The following SHISA9 variants were observed in gnomAD, a reference collection of about 807,000 sequenced individuals.
SHISA9 encodes the protein shisa family member 9.
SHISA9 carries 13 observed loss-of-function variants against 38.0 expected under a neutral mutation model. That is an observed-to-expected ratio of 0.34 (90% CI 0.22 to 0.54). The LOEUF is 0.54. Ranked by LOEUF, SHISA9 falls within the 20% of genes least tolerant of loss-of-function variation. SHISA9 has a pLI of 0.91. For synonymous variants in SHISA9, 275 were observed against 242.0 expected (o/e 1.14, Z -1.27); for missense variants, 538 against 575.8 (o/e 0.93, Z 0.67).
the SHISA9 span, among the ~76,000 whole-genome samples, chr16:13,330,192 G>A: frequency 3.9e-5 from 6 of 152,220 alleles, no homozygotes; most frequent in Non-Finnish European, 7.3e-5. Flanking sequence ...TTCAGAGACA[G>A]ATATCTCCAT....
At chr16:13,031,004 C>A (rs1226541600) in intron 2 of SHISA9, among the ~76,000 whole-genome samples, 1 of 152,204 alleles carries the variant, frequency 6.6e-6, no homozygotes, top group Non-Finnish European at 1.5e-5. Flanking sequence ...GACTGCAGAA[C>A]TGCAAGGCTT....
chr16:13,141,176 A>G (rs2050398465), intron 2 of SHISA9, among the ~76,000 whole-genome samples: 1 of 152,130 alleles, frequency 6.6e-6, no homozygotes, highest in Non-Finnish European at 1.5e-5. Flanking sequence ...AAAGGCAACC[A>G]TTGCTCTTAT....
the SHISA9 span, among the ~76,000 whole-genome samples, chr16:13,555,400 A>T: frequency 1.3e-5 from 2 of 152,230 alleles, no homozygotes; most frequent in Non-Finnish European, 2.9e-5. Context: ...AAAAAATAAA[A>T]GAGGAAAGAC....
intron 2 of SHISA9, among the ~76,000 whole-genome samples, chr16:13,188,267 G>T (rs1437501631): frequency 6.6e-6 from 1 of 152,176 alleles, no homozygotes; most frequent in Non-Finnish European, 1.5e-5. Flanking sequence ...TGACTTTTAG[G>T]TAAAGCACCT....
intron 2 of SHISA9, among the ~76,000 whole-genome samples, chr16:13,087,365 G>A (rs1283999655): frequency 6.6e-6 from 1 of 151,996 alleles, no homozygotes; most frequent in Non-Finnish European, 1.5e-5. Context: ...TAGGTCAAAT[G>A]GTAATTCTAG....
chr16:13,315,833 A>G, the SHISA9 span, among the ~76,000 whole-genome samples: 1 of 152,192 alleles, frequency 6.6e-6, no homozygotes, highest in Admixed American at 6.5e-5. Context: ...GAGTGAAAAC[A>G]TGAACCCAGG....
At chr16:12,970,396 T>TATAC (rs1265802678) in intron 2 of SHISA9, among the ~76,000 whole-genome samples, 5 of 5,296 alleles carry the variant, frequency 9.4e-4, no homozygotes, top group Non-Finnish European at 1.6e-3. Flanking sequence ...TATGTATATA[T>TATAC]ATATATACAT....
intron 2 of SHISA9, among the ~76,000 whole-genome samples, chr16:13,193,160 G>C (rs1284501878): frequency 1.6e-4 from 24 of 152,118 alleles, no homozygotes; most frequent in Admixed American, 1.6e-3. Context: ...AGCCTAGCTT[G>C]GTGAAGGAAA....
the SHISA9 span, among the ~76,000 whole-genome samples, chr16:13,486,533 A>T: frequency 3.9e-5 from 6 of 152,314 alleles, no homozygotes; most frequent in East Asian, 9.6e-4. Context: ...TCTCGCCAAC[A>T]CATTTTTACT....
intron 2 of SHISA9, among the ~76,000 whole-genome samples, chr16:12,918,122 A>G (rs2071281993): frequency 6.6e-6 from 1 of 152,212 alleles, no homozygotes; most frequent in African/African-American, 2.4e-5. Context: ...ACAAAAGGGT[A>G]TGAGAAATAG....
chr16:13,064,738 T>A (rs1362782238), intron 2 of SHISA9, among the ~76,000 whole-genome samples: 3 of 147,882 alleles, frequency 2.0e-5, no homozygotes, highest in Admixed American at 6.8e-5. Flanking sequence ...ACAATGAACA[T>A]GTATTACCTT....
chr16:13,296,743 T>A, the SHISA9 span, among the ~76,000 whole-genome samples: 1 of 151,706 alleles, frequency 6.6e-6, no homozygotes, highest in Non-Finnish European at 1.5e-5. Flanking sequence ...ATACAAAAAT[T>A]AGCTGGGTGT....
the SHISA9 span, among the ~76,000 whole-genome samples, chr16:13,440,293 G>A: frequency 6.6e-6 from 1 of 152,182 alleles, no homozygotes; most frequent in Admixed American, 6.5e-5. Context: ...CTCTAATCCC[G>A]TTAATGCCTT....
intron 2 of SHISA9, among the ~76,000 whole-genome samples, chr16:13,019,953 TTCTTTCCCTCCTTC>T (rs2072827819): frequency 1.0e-5 from 1 of 97,206 alleles, no homozygotes; most frequent in African/African-American, 3.7e-5. Flanking sequence ...CTTTCTTTCT[TTCTTTCCCTCCTTC>T]TTTCCTTCCT....
At chr16:13,244,693 A>G (rs974557409), downstream of SHISA9, among the ~76,000 whole-genome samples, 1 of 152,238 alleles carries the variant, frequency 6.6e-6, no homozygotes, top group Non-Finnish European at 1.5e-5. Flanking sequence ...GTTTCCGACT[A>G]CATGGGGTTT....
chr16:13,146,360 T>G (rs2050447542), intron 2 of SHISA9, among the ~76,000 whole-genome samples: 2 of 152,002 alleles, frequency 1.3e-5, no homozygotes, highest in Admixed American at 1.3e-4. Context: ...TAGCTTTTAT[T>G]TTTTTTTAAT....
chr16:13,241,186 C>A (rs910771411), downstream of SHISA9, among the ~76,000 whole-genome samples: 22 of 152,162 alleles, frequency 1.4e-4, no homozygotes, highest in Non-Finnish European at 2.4e-4. Context: ...CCTAGGCTGT[C>A]ATGTGCAAAG....
chr16:13,202,632 T>C (rs2051016633), intron 2 of SHISA9, among the ~76,000 whole-genome samples: 1 of 80,510 alleles, frequency 1.2e-5, no homozygotes, highest in South Asian at 3.0e-4. Flanking sequence ...TCATTTTTTC[T>C]AACACCTGAA....
chr16:13,149,791 G>T (rs892035835), intron 2 of SHISA9, among the ~76,000 whole-genome samples: 1 of 151,542 alleles, frequency 6.6e-6, no homozygotes, highest in Non-Finnish European at 1.5e-5. Flanking sequence ...CTGTTGTGGT[G>T]GTGGGTGCCG....
Sources: gnomAD v4.1 joint callset for allele counts (sites outside exome capture counted in the v4.1 genomes callset) on GRCh38, gnomAD v4.1.1 for gene constraint, MANE v1.5 for transcripts, NCBI Gene and HGNC (gene_info 2026-07-23, HGNC 2026-07-21) for gene names.